The following LRP1B variants were observed in gnomAD, a reference collection of about 807,000 sequenced individuals.
LRP1B encodes the protein low-density lipoprotein receptor-related protein 1B.
Under a neutral mutation model 556.6 loss-of-function variants are expected in LRP1B, and 217 were observed. That is an observed-to-expected ratio of 0.39 (90% CI 0.35 to 0.44). The LOEUF (loss-of-function observed/expected upper bound fraction) is 0.44, where lower values mean the gene tolerates loss of function less well. LRP1B is among the 20% of genes least tolerant of loss of function. The pLI, the probability that LRP1B is intolerant of heterozygous loss-of-function variation, is 1.00. For synonymous variants in LRP1B, 2,047 were observed against 1,865.8 expected, an observed-to-expected ratio of 1.10 and a Z score of -2.50; for missense variants, 5,053 against 5,620.8, an observed-to-expected ratio of 0.90 and a Z score of 3.23.
At chr2:140,689,676 T>A (rs1037145917) in intron 41 of LRP1B, among the ~76,000 whole-genome samples, 1 of 152,336 alleles carries the variant, frequency 6.6e-6, no homozygotes, top group East Asian at 1.9e-4. Flanking sequence ...CCAGCATCTC[T>A]ATCTTGTGAT....
At chr2:142,036,404 C>T (rs1298887594) in intron 1 of LRP1B, among the ~76,000 whole-genome samples, 5 of 151,640 alleles carry the variant, frequency 3.3e-5, no homozygotes, top group Non-Finnish European at 5.9e-5. Context: ...TCTGTTTTCT[C>T]TTCATCTATG....
At chr2:141,786,033 A>G (rs1410112914) in intron 2 of LRP1B, among the ~76,000 whole-genome samples, 1 of 151,914 alleles carries the variant, frequency 6.6e-6, no homozygotes, top group Admixed American at 6.6e-5. Flanking sequence ...AGTGAGATGC[A>G]TGGCATTTTC....
chr2:141,650,809 T>C (rs949167220), intron 2 of LRP1B, among the ~76,000 whole-genome samples: 4 of 152,214 alleles, frequency 2.6e-5, no homozygotes, highest in Non-Finnish European at 5.9e-5. Context: ...TCTTTTAGAT[T>C]TGTGCTGTTT....
At chr2:141,129,810 A>G (rs899132392) in intron 7 of LRP1B, among the ~76,000 whole-genome samples, 4 of 149,394 alleles carry the variant, frequency 2.7e-5, no homozygotes, top group South Asian at 2.1e-4. Context: ...AAAATTTACT[A>G]TATGTAAATA....
At chr2:140,767,896 T>C (rs1269966538) in intron 35 of LRP1B, among the ~76,000 whole-genome samples, 1 of 151,894 alleles carries the variant, frequency 6.6e-6, no homozygotes, top group Non-Finnish European at 1.5e-5. Context: ...GTTCAAATTT[T>C]CTTAGTTTTG....
intron 56 of LRP1B, 58 bp from the exon 57 acceptor site, chr2:140,492,751 C>T: frequency 8.2e-7 from 1 of 1,219,916 alleles, no homozygotes; most frequent in South Asian, 1.2e-5. Flanking sequence ...TTCCCCTTTG[C>T]ATAATTTCAG....
chr2:140,234,239 T>C (rs990786982), intron 90 of LRP1B, among the ~76,000 whole-genome samples: 3 of 151,282 alleles, frequency 2.0e-5, no homozygotes, highest in Admixed American at 1.3e-4. Flanking sequence ...ATCTTGATAA[T>C]GCATATTTTT....
At chr2:141,063,973 T>A (rs1490287613) in intron 7 of LRP1B, among the ~76,000 whole-genome samples, 1 of 151,778 alleles carries the variant, frequency 6.6e-6, no homozygotes, top group African/African-American at 2.4e-5. Flanking sequence ...GTTTACATGG[T>A]ACTTAAGGAG....
At chr2:141,614,964 T>C (rs1185276099) in intron 2 of LRP1B, among the ~76,000 whole-genome samples, 1 of 152,144 alleles carries the variant, frequency 6.6e-6, no homozygotes, top group Non-Finnish European at 1.5e-5. Flanking sequence ...AATTGGGTAA[T>C]GGGTAGAGGC....
chr2:141,144,477 T>G (rs1372884718), intron 7 of LRP1B, among the ~76,000 whole-genome samples: 1 of 152,218 alleles, frequency 6.6e-6, no homozygotes, highest in Non-Finnish European at 1.5e-5. Context: ...TCTCTCATTG[T>G]TCCTTTCATT....
intron 3 of LRP1B, among the ~76,000 whole-genome samples, chr2:141,278,607 G>A (rs1347648625): frequency 6.6e-6 from 1 of 151,992 alleles, no homozygotes; most frequent in Non-Finnish European, 1.5e-5. Context: ...AAATGATGAG[G>A]GTGATCTTTT....
At chr2:142,003,372 AC>A (rs1702713093) in intron 1 of LRP1B, among the ~76,000 whole-genome samples, 1 of 152,324 alleles carries the variant, frequency 6.6e-6, no homozygotes, top group South Asian at 2.1e-4. Flanking sequence ...CCTACAAGGG[AC>A]CTACAGTCTT....
chr2:141,498,356 C>CTTTTTTTTTTTTTT (rs67454706), intron 2 of LRP1B, among the ~76,000 whole-genome samples: 1 of 144,088 alleles, frequency 6.9e-6, no homozygotes, highest in African/African-American at 2.6e-5. Context: ...CTTTAAAATC[C>CTTTTTTTTTTTTTT]TTTTTTTTTT....
chr2:141,652,956 G>A (rs1689855650), intron 2 of LRP1B, among the ~76,000 whole-genome samples: 1 of 152,096 alleles, frequency 6.6e-6, no homozygotes, highest in African/African-American at 2.4e-5. Context: ...GTTTGTAGGT[G>A]GGATAATAAT....
chr2:141,205,088 G>C (rs1035009026), intron 6 of LRP1B, among the ~76,000 whole-genome samples: 1 of 152,140 alleles, frequency 6.6e-6, no homozygotes, highest in Non-Finnish European at 1.5e-5. Flanking sequence ...TAATACACTT[G>C]ATCTCTGACC....
intron 3 of LRP1B, among the ~76,000 whole-genome samples, chr2:141,425,636 A>T (rs1384962610): frequency 1.3e-5 from 2 of 149,512 alleles, no homozygotes; most frequent in Non-Finnish European, 3.0e-5. Context: ...ATGGTATCTC[A>T]CTGTGGTTTT....
rs56835236 is a variant in LRP1B at position 140,855,493 on chromosome 2, G to GAAA, written c.4580-3713_4580-3711dup. On this transcript the variant is annotated intron_variant, in intron 27 of 90. Coordinates refer to ENST00000389484, the MANE Select transcript of LRP1B (RefSeq NM_018557.3). ...GACAGGTAGGTCCCATCTCTACTGG[G>GAAA]AAAAAAAAAAAATTTGAATGGCTTC... Among the ~76,000 whole-genome samples, 20 of 99,408 alleles carry GAAA rather than the reference G, an allele frequency of 2.0e-4. 1 individual carries two copies. The highest frequency in any genetic ancestry group is 2.3e-4 in the African/African-American group (6 of 26,466). 65.2% of individuals were successfully genotyped at this position (99,408 alleles called of 152,430 possible). A position where few individuals can be genotyped will look rare whatever the true frequency, so the allele number is the denominator to read the frequency against.
At chr2:141,571,459 CA>C (rs1686526159) in intron 2 of LRP1B, among the ~76,000 whole-genome samples, 2 of 151,718 alleles carry the variant, frequency 1.3e-5, no homozygotes, top group Non-Finnish European at 2.9e-5. Flanking sequence ...GACAAACTCA[CA>C]AAGATAAGAA....
intron 53 of LRP1B, among the ~76,000 whole-genome samples, chr2:140,503,777 A>G (rs1017873997): frequency 6.6e-6 from 1 of 152,132 alleles, no homozygotes; most frequent in African/African-American, 2.4e-5. Flanking sequence ...AAGTTTGTCA[A>G]CTATAAAAAC....
Sources: allele counts gnomAD v4.1 joint callset (sites outside exome capture counted in the v4.1 genomes callset), GRCh38; gene constraint gnomAD v4.1.1; transcripts MANE v1.5; gene names NCBI Gene and HGNC (gene_info 2026-07-23, HGNC 2026-07-21).